The following DYM variants were observed in gnomAD, a reference collection of about 807,000 sequenced individuals.
DYM encodes the protein dymeclin, also known as dyggve-Melchior-Clausen syndrome protein.
A neutral mutation model predicts 93.1 loss-of-function variants in DYM; 78 were observed. The observed-to-expected ratio is 0.84, with a 90% CI of 0.70 to 1.01. DYM has a LOEUF of 1.01. Among genes scored for constraint, DYM ranks in the 50% least tolerant of loss-of-function variants. DYM has a pLI of 0.00. For synonymous variants in DYM, 321 were observed against 319.7 expected (o/e 1.00, Z -0.04); for missense variants, 789 against 845.0 (o/e 0.93, Z 0.82).
intron 6 of DYM, among the ~76,000 whole-genome samples, chr18:49,342,243 C>A (rs570332409): frequency 6.6e-6 from 1 of 152,248 alleles, no homozygotes; most frequent in East Asian, 1.9e-4. Flanking sequence ...GTTCCATCTT[C>A]GAAGGAAGCA....
intron 15 of DYM, among the ~76,000 whole-genome samples, chr18:49,146,883 G>A (rs796751088): frequency 6.6e-6 from 1 of 152,042 alleles, no homozygotes; most frequent in Admixed American, 6.6e-5. Flanking sequence ...AGCCCGCATC[G>A]CCAAGTCAAT....
At chr18:49,083,684 G>C (rs1486826812) in intron 17 of DYM, among the ~76,000 whole-genome samples, 3 of 152,008 alleles carry the variant, frequency 2.0e-5, no homozygotes, top group African/African-American at 7.3e-5. Flanking sequence ...AATAGTGATA[G>C]GTCTATTCAG....
intron 14 of DYM, chr18:49,208,547 GAA>G (rs909043106): frequency 7.2e-5 from 11 of 152,252 alleles, no homozygotes; most frequent in African/African-American, 2.6e-4. Flanking sequence ...CTGCTTCCAA[GAA>G]AAGTCTCTGT....
chr18:49,409,273 G>A (rs1337258073), intron 2 of DYM, among the ~76,000 whole-genome samples: 4 of 133,442 alleles, frequency 3.0e-5, no homozygotes, highest in East Asian at 2.1e-4. Context: ...GACAGAGTGA[G>A]ACTCTGTCTC....
chr18:49,403,319 T>C (rs1428642389), intron 2 of DYM, among the ~76,000 whole-genome samples: 1 of 152,220 alleles, frequency 6.6e-6, no homozygotes, highest in African/African-American at 2.4e-5. Flanking sequence ...AATGTTTCAT[T>C]ACAATAGAAG....
At chr18:49,088,232 G>T (rs10164067) in intron 17 of DYM, among the ~76,000 whole-genome samples, 16,854 of 152,114 alleles carry the variant, frequency 0.11, 1,067 homozygotes, top group Middle Eastern at 0.18. Context: ...TTCTTCTAGG[G>T]TTTTTATGGT....
intron 1 of DYM, among the ~76,000 whole-genome samples, chr18:49,454,744 C>CAAA (rs57507210): frequency 7.1e-6 from 1 of 140,878 alleles, no homozygotes; most frequent in African/African-American, 2.6e-5. Flanking sequence ...CTAAAAATAC[C>CAAA]AAAAAAAAAA....
intron 9 of DYM, among the ~76,000 whole-genome samples, chr18:49,286,158 A>G (rs946164580): frequency 2.0e-5 from 3 of 152,144 alleles, no homozygotes; most frequent in African/African-American, 7.2e-5. Flanking sequence ...GTTAATTCCT[A>G]TCCCTAACAG....
rs921513170 is a variant in DYM at position 49,185,443 on chromosome 18, G to C, written c.1626-21656C>G. Among the ~76,000 whole-genome samples, 3 of 152,200 alleles carry C rather than the reference G, an allele frequency of 2.0e-5. No individual in the cohort carries two copies. In the South Asian group the frequency reaches 6.2e-4, roughly 31 times the overall value. On this transcript the variant is annotated intron_variant, in intron 14 of 17. Coordinates refer to ENST00000675505, the MANE Select transcript of DYM (RefSeq NM_001353214.3). The stretch of plus-strand genomic sequence containing the variant: ...ACTTATGAAAAGTAAGAACAGTCTA[G>C]ACAGGTAGAAGTTGTAATGTGAGCT...
At chr18:49,070,220 GA>G (rs1255548933) in intron 17 of DYM, among the ~76,000 whole-genome samples, 34 of 152,234 alleles carry the variant, frequency 2.2e-4, no homozygotes, top group Admixed American at 2.2e-3. Flanking sequence ...AGATATGTGA[GA>G]AACTAACATT....
chr18:49,171,128 G>C (rs1467110142), intron 14 of DYM, among the ~76,000 whole-genome samples: 1 of 152,114 alleles, frequency 6.6e-6, no homozygotes, highest in East Asian at 1.9e-4. Context: ...GGACTGCAGC[G>C]CTTGAGAAAT....
intron 15 of DYM, among the ~76,000 whole-genome samples, chr18:49,141,253 T>C (rs1158704183): frequency 2.6e-5 from 4 of 152,222 alleles, no homozygotes; most frequent in Non-Finnish European, 5.9e-5. Context: ...TGTTGACAAC[T>C]GGACTCCCAG....
In DYM at chr18:49,293,240, G is replaced by A. The variant is rs1225969815; in HGVS notation, c.764-6624C>T. On this transcript the variant is annotated intron_variant, in intron 8 of 17. Coordinates refer to ENST00000675505, the MANE Select transcript of DYM (RefSeq NM_001353214.3). ...CAGTCTATCACTGATGGGCATTTGG[G>A]TTGGTTCCAAGTCTTTTCTATGTGA... Among the ~76,000 whole-genome samples, 3 of 152,316 alleles carry A rather than the reference G, an allele frequency of 2.0e-5. No homozygotes were observed. In the East Asian group the frequency reaches 5.8e-4, roughly 29 times the overall value.
chr18:49,144,908 G>T (rs905887620), intron 15 of DYM, among the ~76,000 whole-genome samples: 1 of 151,394 alleles, frequency 6.6e-6, no homozygotes, highest in African/African-American at 2.4e-5. Context: ...ACCAGCCTGG[G>T]CAACACAGTG....
At chr18:49,200,392 A>G (rs2091893651) in intron 14 of DYM, among the ~76,000 whole-genome samples, 2 of 151,984 alleles carry the variant, frequency 1.3e-5, no homozygotes, top group South Asian at 4.1e-4. Context: ...ATAGCAGTAT[A>G]TAATTTTATA....
At chr18:49,431,389 A>G (rs151108963) in intron 1 of DYM, among the ~76,000 whole-genome samples, 7 of 152,324 alleles carry the variant, frequency 4.6e-5, no homozygotes, top group Non-Finnish European at 1.0e-4. Flanking sequence ...AAAATTCCCT[A>G]AACAGTATGT....
chr18:49,241,919 G>C (rs532771632), intron 13 of DYM, among the ~76,000 whole-genome samples: 24 of 152,328 alleles, frequency 1.6e-4, no homozygotes, highest in Admixed American at 1.3e-3. Context: ...AGTTAATAAT[G>C]TACAAATTCA....
At chr18:49,073,987 AG>A (rs1315764435) in intron 17 of DYM, among the ~76,000 whole-genome samples, 1 of 152,220 alleles carries the variant, frequency 6.6e-6, no homozygotes, top group African/African-American at 2.4e-5. Context: ...TTAAGATGGA[AG>A]GGAAAGGGAG....
chr18:49,117,996 C>CTTTTTT (rs35936099), intron 16 of DYM, among the ~76,000 whole-genome samples: 334 of 53,442 alleles, frequency 6.2e-3, no homozygotes, highest in Non-Finnish European at 7.3e-3. Flanking sequence ...TGTGCCCAGC[C>CTTTTTT]TTTTTTTTTT....
Sources: gnomAD v4.1 joint callset for allele counts (sites outside exome capture counted in the v4.1 genomes callset) on GRCh38, gnomAD v4.1.1 for gene constraint, MANE v1.5 for transcripts, NCBI Gene and HGNC (gene_info 2026-07-23, HGNC 2026-07-21) for gene names.